The following TBC1D8B variants were observed in gnomAD, a reference collection of about 807,000 sequenced individuals.
The protein encoded by TBC1D8B is RP11-321G1.1.
A neutral mutation model predicts 82.9 loss-of-function variants in TBC1D8B; 75 were observed. The observed-to-expected ratio is 0.90, with a 90% CI of 0.75 to 1.10. The LOEUF (loss-of-function observed/expected upper bound fraction) is 1.10, where lower values mean the gene tolerates loss of function less well. TBC1D8B is among the 50% of genes least tolerant of loss of function. The probability of loss-of-function intolerance (pLI) is 0.00; values close to 1 mark genes in which losing one functional copy is unlikely to be tolerated. For missense variants in TBC1D8B, 794 were observed against 796.9 expected (o/e 1.00, Z 0.04); for synonymous variants, 276 against 276.8 (o/e 1.00, Z 0.03).
At position 106,854,140 on chromosome X, in the gene TBC1D8B, A is replaced by G. The variant is rs1197222207; in HGVS notation, c.2254-58A>G. ...TTCAGTCTGATAAAACTGAATTGTA[A>G]AAGAAAAAGTGGATGTTTATTATGA... is the stretch of plus-strand genomic sequence containing the variant. On this transcript the variant is annotated intron_variant, in intron 13 of 20. Transcript: ENST00000357242. 4 of 831,053 alleles carry G rather than the reference A, an allele frequency of 4.8e-6. No individual in the cohort carries two copies. In the African/African-American group the frequency reaches 6.5e-5, roughly 13 times the overall value. The allele number at this position is 831,053 out of a possible 1,213,427, so 68.5% of individuals were successfully genotyped here.
chrX:106,828,570 G>C (rs1171358966), intron 7 of TBC1D8B: 5 of 110,108 alleles, frequency 4.5e-5, no homozygotes, highest in Non-Finnish European at 9.4e-5. Flanking sequence ...GAATCCAGCA[G>C]CACATCAAAA....
intron 7 of TBC1D8B, among the ~76,000 whole-genome samples, chrX:106,834,280 C>T (rs1317920436): frequency 9.0e-6 from 1 of 111,033 alleles, no homozygotes; most frequent in African/African-American, 3.3e-5. Context: ...GAGTGCTGAG[C>T]GAAGGGGGAA....
At chrX:106,832,236 A>C (rs1288525417) in intron 7 of TBC1D8B, among the ~76,000 whole-genome samples, 1 of 111,518 alleles carries the variant, frequency 9.0e-6, no homozygotes, top group Non-Finnish European at 1.9e-5. Context: ...TACAAAGAAC[A>C]AGTCCTACCA....
chrX:106,822,109 T>C lies in TBC1D8B; in HGVS notation c.493T>C (p.Cys165Arg). 2 of 1,210,612 alleles carry C rather than the reference T, an allele frequency of 1.7e-6. No individual in the cohort carries two copies. Among genetic ancestry groups the C allele is most frequent in the Admixed American group, 4.4e-5 (2 of 45,853 alleles). The change falls in exon 4 of 21, where the codon TGC becomes CGC. Residue 165 changes from cysteine (C) to arginine (R), a missense_variant. By Grantham distance (180) the Cys-to-Arg change is radical. Coordinates refer to ENST00000357242, the MANE Select transcript of TBC1D8B (RefSeq NM_017752.3). ...EKEKLVTYYS[C>R]SYWKGRVPCQ... is the part of the protein sequence containing the mutation. ...GGAGAAGTTAGTGACCTATTATTCA[T>C]GCAGTTATTGGAAAGGACGGGTTCC...
At chrX:106,844,321 G>C (rs1932382016) in intron 10 of TBC1D8B, among the ~76,000 whole-genome samples, 1 of 109,334 alleles carries the variant, frequency 9.1e-6, no homozygotes, top group South Asian at 3.9e-4. Flanking sequence ...TCACCATAAA[G>C]TATAATGTTA....
At chrX:106,872,959 G>A (rs770693622) in intron 20 of TBC1D8B, among the ~76,000 whole-genome samples, 111 of 111,237 alleles carry the variant, frequency 1.0e-3, no homozygotes, top group Non-Finnish European at 1.6e-3. Flanking sequence ...AACACAGCAA[G>A]GCCTTGTCTA....
intron 7 of TBC1D8B, chrX:106,829,414 G>T (rs1271954634): frequency 2.9e-5 from 3 of 105,167 alleles, no homozygotes; most frequent in Admixed American, 1.0e-4. Context: ...AGCTACCAAT[G>T]ACTTTCTTCA....
chrX:106,869,907 T>C (rs1404156261), intron 19 of TBC1D8B, among the ~76,000 whole-genome samples: 2 of 112,607 alleles, frequency 1.8e-5, no homozygotes, highest in African/African-American at 6.4e-5. Context: ...TACTGTTTTA[T>C]AATTTCCTTT....
chrX:106,853,437 T>C, intron 12 of TBC1D8B, 84 bp from the exon 13 acceptor site: 1 of 1,003,515 alleles, frequency 1.0e-6, no homozygotes, highest in African/African-American at 1.9e-5. Context: ...AACCTCTAAC[T>C]AACTAGGGAG....
At chrX:106,837,444 T>G (rs1439063244) in intron 7 of TBC1D8B, among the ~76,000 whole-genome samples, 2 of 111,903 alleles carry the variant, frequency 1.8e-5, no homozygotes, top group African/African-American at 6.5e-5. Context: ...ATTAAAAGAT[T>G]TTTCATATCA....
chrX:106,821,213 C>A (rs1450203783), intron 3 of TBC1D8B, among the ~76,000 whole-genome samples: 2 of 110,842 alleles, frequency 1.8e-5, no homozygotes, highest in African/African-American at 6.5e-5. Flanking sequence ...TTAAAACATA[C>A]TGGTTATTCT....
At chrX:106,823,581 G>A in intron 5 of TBC1D8B, 115 bp downstream of exon 5, 1 of 842,065 alleles carries the variant, frequency 1.2e-6, no homozygotes, top group Non-Finnish European at 1.6e-6. Context: ...GTTTTTTTTG[G>A]AGTTGATTGT....
At chrX:106,809,362 A>G (rs1014577709) in intron 1 of TBC1D8B, among the ~76,000 whole-genome samples, 1 of 111,644 alleles carries the variant, frequency 9.0e-6, no homozygotes, top group Non-Finnish European at 1.9e-5. Flanking sequence ...GTATCATGAT[A>G]GAGAGGGGAG....
At position 106,872,455 on chromosome X, in the gene TBC1D8B, T is replaced by TTA. The variant is rs61326496; in HGVS notation, c.2968-1083_2968-1082dup. ...GTGAACTAGGAACCCAGAAAAATAT[T>TTA]TATATATATATATATATATATATAT... On this transcript the variant is annotated intron_variant, in intron 20 of 20. Coordinates refer to ENST00000357242, the MANE Select transcript of TBC1D8B (RefSeq NM_017752.3). Among the ~76,000 whole-genome samples the TTA allele has an allele frequency of 1.4e-3, 103 of 73,285 alleles. 3 individuals carry two copies. The highest frequency in any genetic ancestry group is 5.9e-3 in the South Asian group (7 of 1,185). The allele number at this position is 73,285 out of a possible 115,157, so 63.6% of individuals were successfully genotyped here.
intron 7 of TBC1D8B, among the ~76,000 whole-genome samples, chrX:106,838,375 C>T (rs1489894264): frequency 9.0e-6 from 1 of 111,248 alleles, no homozygotes; most frequent in Non-Finnish European, 1.9e-5. Flanking sequence ...TCCTTAAATG[C>T]CTTATGCTAC....
At chrX:106,850,602 T>C (rs1932566638) in intron 12 of TBC1D8B, among the ~76,000 whole-genome samples, 1 of 111,884 alleles carries the variant, frequency 8.9e-6, no homozygotes, top group African/African-American at 3.2e-5. Context: ...AAAGTGTCTA[T>C]GTAGAATTAG....
At chrX:106,865,749 C>T in intron 15 of TBC1D8B, 44 bp from the exon 16 acceptor site, 3 of 1,130,846 alleles carry the variant, frequency 2.7e-6, no homozygotes, top group Non-Finnish European at 3.5e-6. Context: ...TCCAAAATTA[C>T]TTTTTCTAAT....
At chrX:106,832,152 T>G (rs1341425019) in intron 7 of TBC1D8B, among the ~76,000 whole-genome samples, 1 of 111,327 alleles carries the variant, frequency 9.0e-6, no homozygotes, top group Non-Finnish European at 1.9e-5. Flanking sequence ...TCCAAGAGTC[T>G]AAATCAACAA....
At position 106,826,047 on chromosome X, in the gene TBC1D8B, C is replaced by T. The variant is rs1175312317; in HGVS notation, c.845C>T (p.Ala282Val). Residue 282 changes from alanine (A) to valine (V), a missense_variant, in exon 6 of 21, where the codon GCC becomes GTC. Coordinates refer to ENST00000357242, the MANE Select transcript of TBC1D8B (RefSeq NM_017752.3). The stretch of plus-strand genomic sequence containing the variant: ...TCCTACAGAGGTCTGGAAAATAGAG[C>T]CCACAGTGAGCAATTTAATGCCTTT... Reference protein sequence around the residue: ...QITKRGLENRAHSEQFNAFFR... With the variant: ...QITKRGLENRVHSEQFNAFFR... 1 of 1,209,953 alleles carries T rather than the reference C, an allele frequency of 8.3e-7. No individual in the cohort carries two copies. Among genetic ancestry groups the T allele is most frequent in the Non-Finnish European group, 1.1e-6 (1 of 894,490 alleles).
Sources: allele counts gnomAD v4.1 joint callset (sites outside exome capture counted in the v4.1 genomes callset), GRCh38; gene constraint gnomAD v4.1.1; transcripts MANE v1.5; gene names NCBI Gene and HGNC (gene_info 2026-07-23, HGNC 2026-07-21).